The following ZNF500 variants were observed in gnomAD, a reference collection of about 807,000 sequenced individuals.
ZNF500 encodes zinc finger protein 500.
Under a neutral mutation model 30.1 loss-of-function variants are expected in ZNF500, and 31 were observed. The ratio of observed to expected loss-of-function variants is 1.03; its 90% confidence interval spans 0.77 to 1.39. The LOEUF (loss-of-function observed/expected upper bound fraction) is 1.39. Among genes scored for constraint, ZNF500 ranks in the 40% most tolerant of loss-of-function variants. The pLI is 0.00. For missense variants in ZNF500, 817 were observed against 657.8 expected, an observed-to-expected ratio of 1.24 and a Z score of -2.65; for synonymous variants, 392 against 282.0, an observed-to-expected ratio of 1.39 and a Z score of -3.91.
At chr16:4,757,909 T>TC (rs1321992601) in intron 5 of ZNF500, among the ~76,000 whole-genome samples, 1 of 150,182 alleles carries the variant, frequency 6.7e-6, no homozygotes, top group Non-Finnish European at 1.5e-5. Context: ...CCAATTTTTT[T>TC]TTTTTTTTTG....
intron 2 of ZNF500, 118 bp downstream of exon 2, chr16:4,765,447 A>G: frequency 7.0e-7 from 1 of 1,420,360 alleles, no homozygotes; most frequent in Non-Finnish European, 9.5e-7. Context: ...CTTTCCTCAA[A>G]AGGGCTCAGG....
At chr16:4,747,100 C>A, downstream of ZNF500, 1 of 1,389,310 alleles carries the variant, frequency 7.2e-7, no homozygotes, top group South Asian at 1.4e-5. Flanking sequence ...CCACCTGGCA[C>A]ATTTACCGCC....
At chr16:4,757,540 T>C (rs8046422) in intron 5 of ZNF500, among the ~76,000 whole-genome samples, 2,308 of 152,084 alleles carry the variant, frequency 0.015, 60 homozygotes, top group African/African-American at 0.053. Flanking sequence ...ACTCGAGCAA[T>C]CCACCCGCCT....
chr16:4,763,992 G>C (rs2082235652), intron 2 of ZNF500: 1 of 985,358 alleles, frequency 1.0e-6, no homozygotes, highest in South Asian at 4.7e-5. Flanking sequence ...GAAACAGCAG[G>C]TGGCAGGACT....
intron 1 of ZNF500, among the ~76,000 whole-genome samples, chr16:4,766,700 G>A (rs559807987): frequency 1.2e-4 from 19 of 152,190 alleles, no homozygotes; most frequent in Admixed American, 1.2e-3. Context: ...TATATGGAAG[G>A]GGTTCCTTTG....
Position 4,765,836 on chromosome 16 carries a change from G to C in ZNF500, c.143C>G (p.Thr48Ser), listed in dbSNP as rs2082259529. ...GAAGAGCCGGAAGAGCTGGCGGAAA[G>C]TCTCAGGGCTGGGGTCCTCCGTCTC... The part of the protein sequence containing the change: ...SVETEDPSPE[T>S]FRQLFRLFCY... Residue 48 changes from threonine (T) to serine (S), a missense_variant, in exon 2 of 6, where the codon ACT becomes AGT. Thr to Ser is a moderately conservative substitution (Grantham distance 58). Transcript: ENST00000219478. 1 of 1,613,776 alleles carries C rather than the reference G, an allele frequency of 6.2e-7. No individual in the cohort carries two copies. The highest frequency in any genetic ancestry group is 1.6e-4 in the Middle Eastern group (1 of 6,062).
chr16:4,765,772 G>T lies in ZNF500; in HGVS notation c.207C>A (p.Ser69Arg). 1 of 1,612,906 alleles carries T rather than the reference G, an allele frequency of 6.2e-7. No homozygotes were observed. The highest frequency in any genetic ancestry group is 2.2e-5 in the East Asian group (1 of 44,878). Residue 69 changes from serine to arginine, a missense_variant, in exon 2 of 6, where the codon AGC becomes AGA. Ser to Arg is a moderately radical substitution (Grantham distance 110). Transcript: ENST00000219478. ...QEVAGPREAL[S>R]RLWELCCRWL... ...AGCGGCAGCACAGCTCCCAGAGGCG[G>T]CTCAGGGCCTCCCGGGGCCCAGCCA...
intron 5 of ZNF500, among the ~76,000 whole-genome samples, chr16:4,759,448 A>G (rs952798295): frequency 3.3e-5 from 5 of 152,148 alleles, no homozygotes; most frequent in Non-Finnish European, 7.3e-5. Flanking sequence ...TTGTACACCC[A>G]CGTTCACTGC....
Position 4,752,299 on chromosome 16 carries a change from G to T in ZNF500, c.*77C>A. 7.0e-7 allele frequency: 1 copy of T among 1,431,170 alleles called. No homozygotes were observed. Among genetic ancestry groups the T allele is most frequent in the South Asian group, 1.5e-5 (1 of 66,022 alleles). The allele number at this position is 1,431,170 out of a possible 1,614,324, so 88.7% of individuals were successfully genotyped here. A position where few individuals can be genotyped will look rare whatever the true frequency, so the allele number is the denominator to read the frequency against. On this transcript the variant is annotated 3_prime_UTR_variant, in exon 6 of 6. Coordinates refer to ENST00000219478, the MANE Select transcript of ZNF500 (RefSeq NM_021646.4). ...AAACGGGCAGCTGGCAATGCTTTCG[G>T]ACCAGGCTGTCTAGCAGTTTCCTGA... is the stretch of plus-strand genomic sequence containing the variant.
chr16:4,766,014 G>C lies in ZNF500; in HGVS notation c.-36C>G. 2.0e-6 allele frequency: 3 copies of C among 1,515,974 alleles called. No homozygotes were observed. Among genetic ancestry groups the C allele is most frequent in the South Asian group, 1.3e-5 (1 of 75,924 alleles). The allele number at this position is 1,515,974 out of a possible 1,614,324, so 93.9% of individuals were successfully genotyped here. ...GGGCCTTGTTCCTTTTCAGGCCTTAGAGTTGAACCTGTCTCTCTCTATACC... is the reference window on the plus strand; with the variant it reads ...GGGCCTTGTTCCTTTTCAGGCCTTACAGTTGAACCTGTCTCTCTCTATACC... On this transcript the variant is annotated 5_prime_UTR_variant, in exon 2 of 6. Transcript: ENST00000219478.
Position 4,751,474 on chromosome 16 carries a change from C to G in ZNF500, c.*902G>C, listed in dbSNP as rs1000328107. ...TTTCCCGCCCCAGGTGTCTTCCGCC[C>G]TGCAGAGCAGCTATGGATCTGCAAA... On this transcript the variant is annotated 3_prime_UTR_variant, in exon 6 of 6. Coordinates refer to ENST00000219478, the MANE Select transcript of ZNF500 (RefSeq NM_021646.4). 1 of 1,199,932 alleles carries G rather than the reference C, an allele frequency of 8.3e-7. No homozygotes were observed. Among genetic ancestry groups the G allele is most frequent in the Admixed American group, 2.7e-5 (1 of 37,138 alleles). 74.3% of individuals were successfully genotyped at this position (1,199,932 alleles called of 1,614,324 possible).
At position 4,749,307 on chromosome 16, in the gene ZNF500, T is replaced by C. The variant is rs1485248790; in HGVS notation, c.*3069A>G. 1 of 154,440 alleles carries C rather than the reference T, an allele frequency of 6.5e-6. No individual in the cohort carries two copies. Among genetic ancestry groups the C allele is most frequent in the Middle Eastern group, 5.1e-4 (1 of 1,948 alleles). 9.6% of individuals were successfully genotyped at this position (154,440 alleles called of 1,614,324 possible). A position where few individuals can be genotyped will look rare whatever the true frequency, so the allele number is the denominator to read the frequency against. ...AAGGCTTTTTTTTTCTTCAACCCCA[T>C]TTTCTTCCATTTCTCCCACCTTTTT... On this transcript the variant is annotated 3_prime_UTR_variant, in exon 6 of 6. Coordinates refer to ENST00000219478, the MANE Select transcript of ZNF500 (RefSeq NM_021646.4).
In ZNF500 at chr16:4,749,571, T is replaced by C. The variant is rs2082059608; in HGVS notation, c.*2805A>G. ...GGCTCACGCCTGTAATCCCAGCACT[T>C]TGGGAGGCCGAGGTGGGTGGATCAC... On this transcript the variant is annotated 3_prime_UTR_variant, in exon 6 of 6. Coordinates refer to ENST00000219478, the MANE Select transcript of ZNF500 (RefSeq NM_021646.4). 1 of 152,312 alleles carries C rather than the reference T, an allele frequency of 6.6e-6. No individual in the cohort carries two copies. Among genetic ancestry groups the C allele is most frequent in the Non-Finnish European group, 1.5e-5 (1 of 68,124 alleles). The allele number at this position is 152,312 out of a possible 1,614,324, so 9.4% of individuals were successfully genotyped here.
intron 5 of ZNF500, among the ~76,000 whole-genome samples, chr16:4,760,162 G>T (rs940100772): frequency 6.6e-6 from 1 of 152,238 alleles, no homozygotes. Flanking sequence ...GCAGTGCTCA[G>T]TGTGATGGGG....
At chr16:4,761,363 C>T (rs1311454818) in intron 4 of ZNF500, among the ~76,000 whole-genome samples, 1 of 151,720 alleles carries the variant, frequency 6.6e-6, no homozygotes, top group African/African-American at 2.4e-5. Flanking sequence ...TCGCTTGAAC[C>T]CGGGAGCCGG....
chr16:4,757,243 A>C (rs2082144550), intron 5 of ZNF500, among the ~76,000 whole-genome samples: 1 of 152,222 alleles, frequency 6.6e-6, no homozygotes, highest in Non-Finnish European at 1.5e-5. Context: ...ACAGTGTGGA[A>C]GGGGACCCGA....
At position 4,765,997 on chromosome 16, in the gene ZNF500, T is replaced by C. The variant is rs752274412; in HGVS notation, c.-19A>G. The stretch of plus-strand genomic sequence containing the variant: ...TGGCCATTGCTTCCGGTGGGCCTTG[T>C]TCCTTTTCAGGCCTTAGAGTTGAAC... On this transcript the variant is annotated 5_prime_UTR_variant, in exon 2 of 6. Transcript: ENST00000219478. The C allele has an allele frequency of 2.0e-6, 3 of 1,531,460 alleles. 1 individual carries two copies. The South Asian group carries it at 3.8e-5, about 20-fold the overall frequency. The allele number at this position is 1,531,460 out of a possible 1,614,324, so 94.9% of individuals were successfully genotyped here. A position where few individuals can be genotyped will look rare whatever the true frequency, so the allele number is the denominator to read the frequency against.
In ZNF500 at chr16:4,759,789, C is replaced by T. The variant is rs146099431; in HGVS notation, c.760+703G>A. Among the ~76,000 whole-genome samples the T allele has an allele frequency of 8.5e-5, 13 of 152,206 alleles. 1 individual carries two copies. The highest frequency in any genetic ancestry group is 1.2e-4 in the African/African-American group (5 of 41,578). On this transcript the variant is annotated intron_variant, in intron 5 of 5. Transcript: ENST00000219478. ...CGGTGGCTCACACCTGTCATCCCAG[C>T]ACTTTGGGAGGCCTAGGCCAGCGGA...
intron 5 of ZNF500, among the ~76,000 whole-genome samples, chr16:4,755,459 G>A (rs986012870): frequency 5.9e-5 from 9 of 152,094 alleles, no homozygotes; most frequent in African/African-American, 2.2e-4. Context: ...TGGGATTACA[G>A]GAGTGAGCCA....
Sources: gnomAD v4.1 joint callset for allele counts (sites outside exome capture counted in the v4.1 genomes callset) on GRCh38, gnomAD v4.1.1 for gene constraint, MANE v1.5 for transcripts, NCBI Gene and HGNC (gene_info 2026-07-23, HGNC 2026-07-21) for gene names.